Variants in RAPGEF6 observed in about 807,000 individuals in gnomAD.
RAPGEF6 encodes PDZ domain containing guanine nucleotide exchange factor (GEF) 2.
Under a neutral mutation model 171.4 loss-of-function variants are expected in RAPGEF6, and 56 were observed. The observed-to-expected ratio is 0.33, with a 90% CI of 0.26 to 0.41. The LOEUF (loss-of-function observed/expected upper bound fraction) is 0.41. Ranked by LOEUF, RAPGEF6 falls within the 10% of genes least tolerant of loss-of-function variation. RAPGEF6 has a pLI of 1.00. For synonymous variants in RAPGEF6, 692 were observed against 650.1 expected, an observed-to-expected ratio of 1.06 and a Z score of -0.98; for missense variants, 1,674 against 1,921.4, an observed-to-expected ratio of 0.87 and a Z score of 2.41.
chr5:131,575,691 C>T (rs888344707), intron 4 of RAPGEF6, among the ~76,000 whole-genome samples: 2 of 152,150 alleles, frequency 1.3e-5, no homozygotes, highest in African/African-American at 4.8e-5. Flanking sequence ...TCTTTTTGTT[C>T]CTTAAAGACA....
In RAPGEF6 at chr5:131,428,931, TCTC is replaced by T; in HGVS notation, c.4748_4750del (p.Gly1583del). The T allele has an allele frequency of 1.2e-6, 2 of 1,614,072 alleles. No homozygotes were observed. The highest frequency in any genetic ancestry group is 1.7e-6 in the Non-Finnish European group (2 of 1,179,922). On this transcript the variant is annotated inframe_deletion, in exon 27 of 28. Coordinates refer to ENST00000509018, the MANE Select transcript of RAPGEF6 (RefSeq NM_016340.6). ...TGCTTCGCTATCTGCATCAGTCACA[TCTC>T]CTAGTTTAGGATGGAATGGCTGCAA... is the stretch of plus-strand genomic sequence containing the variant.
At chr5:131,532,673 T>C (rs1759474685) in intron 6 of RAPGEF6, among the ~76,000 whole-genome samples, 1 of 151,688 alleles carries the variant, frequency 6.6e-6, no homozygotes. Flanking sequence ...CCTCCAGAGG[T>C]TTAAAAAAAA....
intron 21 of RAPGEF6, among the ~76,000 whole-genome samples, chr5:131,451,311 C>T (rs1199964494): frequency 6.6e-6 from 1 of 152,040 alleles, no homozygotes; most frequent in Non-Finnish European, 1.5e-5. Context: ...AGGCCGGGTG[C>T]AGTGGCTCAC....
intron 4 of RAPGEF6, among the ~76,000 whole-genome samples, chr5:131,566,048 G>T (rs1168738252): frequency 1.3e-5 from 2 of 151,962 alleles, no homozygotes; most frequent in Non-Finnish European, 2.9e-5. Context: ...TCGGAAGGTT[G>T]AGGCAGGAGG....
At chr5:131,564,704 A>G (rs145323027) in intron 4 of RAPGEF6, among the ~76,000 whole-genome samples, 1 of 152,242 alleles carries the variant, frequency 6.6e-6, no homozygotes, top group Non-Finnish European at 1.5e-5. Context: ...CAGAACTATC[A>G]GAAGTATAGA....
chr5:131,440,197 G>C (rs1415860829), intron 23 of RAPGEF6: 5 of 456,360 alleles, frequency 1.1e-5, no homozygotes, highest in Non-Finnish European at 2.2e-5. Flanking sequence ...AGGGCTGCCA[G>C]TCCAGCCCTT....
intron 6 of RAPGEF6, among the ~76,000 whole-genome samples, chr5:131,521,739 C>A (rs1758492126): frequency 6.6e-6 from 1 of 151,762 alleles, no homozygotes; most frequent in Non-Finnish European, 1.5e-5. Context: ...GAACAGTTTT[C>A]AAAAGCCATT....
rs1758801895 is a variant in RAPGEF6, at chr5:131,525,329, C to T, written c.496-3808G>A. Among the ~76,000 whole-genome samples the T allele has an allele frequency of 3.5e-5, 2 of 57,480 alleles. 1 individual carries two copies. Among genetic ancestry groups the T allele is most frequent in the South Asian group, 9.9e-4 (2 of 2,030 alleles). 37.7% of individuals were successfully genotyped at this position (57,480 alleles called of 152,430 possible). The stretch of plus-strand genomic sequence containing the variant: ...GAAACCAGGGAATATTCAGCAATAA[C>T]ACGCAAATAAGGTAGAAATACATAA... On this transcript the variant is annotated intron_variant, in intron 6 of 27. Transcript: ENST00000509018.
chr5:131,438,927 T>C (rs1752203078), intron 24 of RAPGEF6, among the ~76,000 whole-genome samples: 1 of 152,214 alleles, frequency 6.6e-6, no homozygotes. Context: ...AAAAACAGTT[T>C]CTTTCTTTTT....
intron 11 of RAPGEF6, among the ~76,000 whole-genome samples, chr5:131,499,119 C>G (rs775501578): frequency 3.9e-5 from 6 of 152,162 alleles, no homozygotes; most frequent in Non-Finnish European, 7.3e-5. Flanking sequence ...TTCAAGAGAG[C>G]CTGTTTCATT....
At chr5:131,477,577 A>G (rs1755185614) in intron 16 of RAPGEF6, among the ~76,000 whole-genome samples, 1 of 152,218 alleles carries the variant, frequency 6.6e-6, no homozygotes, top group South Asian at 2.1e-4. Flanking sequence ...AACCAAAGAC[A>G]GAATTCAGGT....
At chr5:131,589,540 T>G (rs2150000357) in intron 4 of RAPGEF6, among the ~76,000 whole-genome samples, 1 of 152,312 alleles carries the variant, frequency 6.6e-6, no homozygotes, top group East Asian at 1.9e-4. Flanking sequence ...TTTAGAAGCA[T>G]TCATAAGGAA....
chr5:131,561,947 A>G (rs1761630149), intron 5 of RAPGEF6, 31 bp downstream of exon 5: 1 of 1,521,344 alleles, frequency 6.6e-7, no homozygotes, highest in African/African-American at 1.4e-5. Flanking sequence ...AAGCATATCA[A>G]AAACAATTCA....
At chr5:131,583,914 C>A (rs546470606) in intron 4 of RAPGEF6, among the ~76,000 whole-genome samples, 1 of 152,078 alleles carries the variant, frequency 6.6e-6, no homozygotes, top group Non-Finnish European at 1.5e-5. Context: ...TTACTGAGTG[C>A]AAGAAGCTGA....
intron 19 of RAPGEF6, among the ~76,000 whole-genome samples, chr5:131,457,483 C>T (rs2149829713): frequency 6.6e-6 from 1 of 152,348 alleles, no homozygotes; most frequent in East Asian, 1.9e-4. Flanking sequence ...CTGCCACAAT[C>T]TCCATTTACT....
rs146909208 is a variant in RAPGEF6 at position 131,512,430 on chromosome 5, A to G, written c.628-1939T>C. Among the ~76,000 whole-genome samples the G allele has an allele frequency of 4.7e-5, 7 of 149,100 alleles. No individual in the cohort carries two copies. The East Asian group carries it at 1.4e-3, about 29-fold the overall frequency. ...TCTGTCACCCAAGTTGTGCAGTGGTATGATCACAGCTCACTGTAGCCTCAG... is the reference window on the plus strand; with the variant it reads ...TCTGTCACCCAAGTTGTGCAGTGGTGTGATCACAGCTCACTGTAGCCTCAG... On this transcript the variant is annotated intron_variant, in intron 7 of 27. Transcript: ENST00000509018.
chr5:131,624,330 C>T (rs1157172423), intron 1 of RAPGEF6, among the ~76,000 whole-genome samples: 1 of 152,136 alleles, frequency 6.6e-6, no homozygotes, highest in African/African-American at 2.4e-5. Flanking sequence ...CATACTGTTC[C>T]CATCCTATGC....
intron 17 of RAPGEF6, among the ~76,000 whole-genome samples, chr5:131,470,186 A>G (rs1429955322): frequency 6.6e-6 from 1 of 152,216 alleles, no homozygotes. Flanking sequence ...AATACCTATC[A>G]TATATGTGTT....
rs539629661 is a variant in RAPGEF6 at position 131,619,199 on chromosome 5, CAAACTAACACAGGAACAGA to C, written c.70-14525_70-14507del. On this transcript the variant is annotated intron_variant, in intron 1 of 27. Transcript: ENST00000509018. ...TCACGCATTTACTAATCATTCTCAGCAAACTAACACAGGAACAGAAAACCAAACACTGCATGTTCTCACT... is the reference window on the plus strand; with the variant it reads ...TCACGCATTTACTAATCATTCTCAGCAAACCAAACACTGCATGTTCTCACT... Among the ~76,000 whole-genome samples, 725 of 152,224 alleles carry C rather than the reference CAAACTAACACAGGAACAGA, an allele frequency of 4.8e-3. 5 individuals are homozygous for C. The highest frequency in any genetic ancestry group is 0.017 in the African/African-American group (688 of 41,528).
Sources: gnomAD v4.1 joint callset for allele counts (sites outside exome capture counted in the v4.1 genomes callset) on GRCh38, gnomAD v4.1.1 for gene constraint, MANE v1.5 for transcripts, NCBI Gene and HGNC (gene_info 2026-07-23, HGNC 2026-07-21) for gene names.